Variants in MCM3AP observed in about 807,000 individuals in gnomAD.
MCM3AP encodes the protein minichromosome maintenance complex component 3 associated protein, also known as germinal-center associated nuclear protein.
MCM3AP carries 126 observed loss-of-function variants against 184.1 expected under a neutral mutation model. The ratio of observed to expected loss-of-function variants is 0.68; its 90% CI spans 0.59 to 0.79. The LOEUF is 0.79. Among genes scored for constraint, MCM3AP ranks in the 30% least tolerant of loss-of-function variants. The pLI, the probability that MCM3AP is intolerant of heterozygous loss-of-function variation, is 0.00. For missense variants in MCM3AP, 2,496 were observed against 2,479.2 expected, an observed-to-expected ratio of 1.01 and a Z score of -0.14; for synonymous variants, 1,002 against 979.3, an observed-to-expected ratio of 1.02 and a Z score of -0.43.
chr21:46,269,290 T>A (rs1044459861), intron 9 of MCM3AP, among the ~76,000 whole-genome samples: 2 of 151,924 alleles, frequency 1.3e-5, no homozygotes, highest in Admixed American at 6.6e-5. Flanking sequence ...GCTTTTTTTT[T>A]ATTTTTAGTA....
intron 22 of MCM3AP, among the ~76,000 whole-genome samples, chr21:46,245,862 AT>A (rs1188113340): frequency 6.6e-6 from 1 of 152,214 alleles, no homozygotes; most frequent in Non-Finnish European, 1.5e-5. Flanking sequence ...TCAGAGGACA[AT>A]TACCCTAGAA....
Position 46,246,636 on chromosome 21 carries a change from A to T in MCM3AP, c.4541T>A (p.Val1514Glu). 6.2e-7 allele frequency: 1 copy of T among 1,610,474 alleles called. No individual in the cohort carries two copies. Among genetic ancestry groups the T allele is most frequent in the Non-Finnish European group, 8.5e-7 (1 of 1,176,864 alleles). The change falls in exon 21 of 28, where the codon GTA (valine) becomes GAA (glutamate). Residue 1514 changes from valine (V) to glutamate (E), a missense_variant. Around this residue, in one of 5 missense-constraint regions of MCM3AP, gnomAD observed 1,323 missense variants for 1,273.4 expected, o/e 1.04. Transcript: ENST00000291688. Reference sequence around the variant, plus strand: ...AGACTTCCTTCACAAACCATCTTCTACTTCCTTCTCAACGGCGTCCCCTCC... The same window carrying T: ...AGACTTCCTTCACAAACCATCTTCTTCTTCCTTCTCAACGGCGTCCCCTCC... The part of the protein sequence containing the change: ...SPGGDAVEKE[V>E]EDGLMLQDLV...
intron 23 of MCM3AP, among the ~76,000 whole-genome samples, chr21:46,244,156 T>C (rs373285956): frequency 1.3e-4 from 20 of 152,234 alleles, no homozygotes; most frequent in African/African-American, 4.6e-4. Flanking sequence ...CACCACAATT[T>C]AGAAGGGCGC....
In MCM3AP at chr21:46,283,755, T is replaced by A. The variant is rs1184913725; in HGVS notation, c.1303A>T (p.Thr435Ser). 5 of 1,614,076 alleles carry A rather than the reference T, an allele frequency of 3.1e-6. No individual in the cohort carries two copies. Among genetic ancestry groups the A allele is most frequent in the Non-Finnish European group, 4.2e-6 (5 of 1,180,024 alleles). The change falls in exon 2 of 28, where the codon ACA becomes TCA. Residue 435 changes from threonine to serine, a missense_variant. Thr to Ser is a moderately conservative substitution (Grantham distance 58). Around this residue, in one of 5 missense-constraint regions of MCM3AP, gnomAD observed 800 missense variants for 717.1 expected, o/e 1.12. Transcript: ENST00000291688. The stretch of plus-strand genomic sequence containing the variant: ...GGGATGTTCTTGCACTGGATGGCTG[T>A]GACTTCAGAGGGAGACAAGCCCCCA... The part of the protein sequence containing the change: ...SLGGLSPSEV[T>S]AIQCKNIPDY...
At chr21:46,281,411 T>C (rs1295385002) in intron 2 of MCM3AP, among the ~76,000 whole-genome samples, 1 of 152,256 alleles carries the variant, frequency 6.6e-6, no homozygotes, top group African/African-American at 2.4e-5. Context: ...TATTCAGTTT[T>C]GTCTGTATCA....
intron 4 of MCM3AP, 148 bp from the exon 5 acceptor site, chr21:46,277,865 A>G (rs1396617898): frequency 1.7e-5 from 8 of 471,860 alleles, no homozygotes; most frequent in Non-Finnish European, 1.5e-5. Flanking sequence ...GAGTTTTGAT[A>G]AGGATGGTAA....
At chr21:46,270,336 G>T in intron 9 of MCM3AP, 65 bp downstream of exon 9, 1 of 1,466,116 alleles carries the variant, frequency 6.8e-7, no homozygotes, top group South Asian at 1.3e-5. Flanking sequence ...GAATAAGAAA[G>T]CACCCAAACA....
rs149748915 is a variant in MCM3AP, at chr21:46,284,475, C to T, written c.812G>A (p.Arg271Lys). 1.6e-5 allele frequency: 26 copies of T among 1,614,214 alleles called. No homozygotes were observed. In the East Asian group the frequency reaches 5.6e-4, roughly 35 times the overall value. ...GGAAACAGCTTCTTCACACCCCTGC[C>T]TGACACCTGCTTTGCTAGCCTGGAA... ...EPFQASKAGV[R>K]QGCEEAVSQV... Residue 271 changes from arginine to lysine, a missense_variant, in exon 1 of 28, where the codon AGG becomes AAG. Arg to Lys is a conservative substitution (Grantham distance 26). Around this residue, in one of 5 missense-constraint regions of MCM3AP, gnomAD observed 800 missense variants for 717.1 expected, o/e 1.12. Coordinates refer to ENST00000291688, the MANE Select transcript of MCM3AP (RefSeq NM_003906.5).
intron 2 of MCM3AP, among the ~76,000 whole-genome samples, chr21:46,283,173 C>G (rs1467832228): frequency 6.6e-6 from 1 of 152,202 alleles, no homozygotes; most frequent in Non-Finnish European, 1.5e-5. Context: ...GATCCGCCCA[C>G]CTTGGCCTCC....
intron 24 of MCM3AP, 169 bp from the exon 25 acceptor site, chr21:46,243,100 TCA>T: frequency 1.5e-6 from 1 of 650,900 alleles, no homozygotes. Context: ...TTGATTAAAG[TCA>T]CACAATTATG....
intron 22 of MCM3AP, among the ~76,000 whole-genome samples, chr21:46,245,757 C>T (rs1230829183): frequency 6.6e-6 from 1 of 152,094 alleles, no homozygotes; most frequent in Non-Finnish European, 1.5e-5. Context: ...CTTCAGCCTC[C>T]GAGTAGCAGA....
rs891523157 is a variant in MCM3AP, at chr21:46,243,096, A to G, written c.5297-165T>C. ...TGATTTAAGTGCAAGACCTTTGATTAAAGTCACACAATTATGTGACTTCCA... is the reference window on the plus strand; with the variant it reads ...TGATTTAAGTGCAAGACCTTTGATTGAAGTCACACAATTATGTGACTTCCA... On this transcript the variant is annotated intron_variant, in intron 24 of 27. Coordinates refer to ENST00000291688, the MANE Select transcript of MCM3AP (RefSeq NM_003906.5). 9.2e-6 allele frequency: 6 copies of G among 652,676 alleles called. 1 individual carries two copies. The Admixed American group carries it at 1.6e-4, about 17-fold the overall frequency. The allele number at this position is 652,676 out of a possible 1,614,324, so 40.4% of individuals were successfully genotyped here.
intron 26 of MCM3AP, among the ~76,000 whole-genome samples, chr21:46,239,842 G>A (rs138897988): frequency 6.6e-6 from 1 of 152,212 alleles, no homozygotes; most frequent in East Asian, 1.9e-4. Context: ...AGCAGGGCAG[G>A]AGGGGGACCA....
intron 17 of MCM3AP, among the ~76,000 whole-genome samples, chr21:46,255,749 G>A (rs1393885750): frequency 1.3e-5 from 2 of 151,906 alleles, no homozygotes; most frequent in Non-Finnish European, 2.9e-5. Context: ...ATCACCAGGG[G>A]GTGCGCAGAA....
intron 16 of MCM3AP, among the ~76,000 whole-genome samples, chr21:46,257,297 A>G (rs2080969244): frequency 6.6e-6 from 1 of 151,736 alleles, no homozygotes; most frequent in Admixed American, 6.6e-5. Context: ...CAACACAGTG[A>G]AACCCAATCT....
At chr21:46,272,854 C>A in intron 7 of MCM3AP, 25 bp from the exon 8 acceptor site, 1 of 1,542,632 alleles carries the variant, frequency 6.5e-7, no homozygotes, top group East Asian at 2.3e-5. Context: ...GGGGGAGGAT[C>A]ACACACACAT....
At chr21:46,239,764 G>A (rs889878219) in intron 26 of MCM3AP, among the ~76,000 whole-genome samples, 1 of 152,118 alleles carries the variant, frequency 6.6e-6, no homozygotes, top group Admixed American at 6.5e-5. Context: ...TGAGGAGTAG[G>A]TACAGACGAT....
intron 8 of MCM3AP, among the ~76,000 whole-genome samples, chr21:46,271,737 T>G (rs960937879): frequency 1.3e-5 from 2 of 151,872 alleles, no homozygotes; most frequent in Admixed American, 1.3e-4. Flanking sequence ...GGTATGTGCC[T>G]GTAATCCCAG....
intron 20 of MCM3AP, among the ~76,000 whole-genome samples, chr21:46,248,542 T>C (rs532482953): frequency 1.3e-5 from 2 of 149,102 alleles, no homozygotes; most frequent in South Asian, 4.2e-4. Context: ...CACTCAGATA[T>C]AGACAGATAG....
Sources: gnomAD v4.1 joint callset for allele counts (sites outside exome capture counted in the v4.1 genomes callset) on GRCh38, gnomAD v4.1.1 for gene constraint, gnomAD v4.1.1 regional missense constraint, MANE v1.5 for transcripts, NCBI Gene and HGNC (gene_info 2026-07-23, HGNC 2026-07-21) for gene names.